Variants in ABI3BP observed in about 807,000 individuals in gnomAD.
ABI3BP encodes the protein ABI family member 3 binding protein.
Under a neutral mutation model 268.6 loss-of-function variants are expected in ABI3BP, and 216 were observed. That is an observed-to-expected ratio of 0.80 (90% CI 0.72 to 0.90). The LOEUF is 0.90. Among genes scored for constraint, ABI3BP ranks in the 40% least tolerant of loss-of-function variants. ABI3BP has a pLI of 0.00. For synonymous variants in ABI3BP, 730 were observed against 730.0 expected, an observed-to-expected ratio of 1.00 and a Z score of 0.00; for missense variants, 2,090 against 2,182.4, an observed-to-expected ratio of 0.96 and a Z score of 0.84.
chr3:100,993,308 T>A lies in ABI3BP; in HGVS notation c.77A>T (p.Lys26Ile). ...ACATAAAACATCAGGCTACTTGCCT[T>A]TTGGCAATTTCTGTGCATTTCCCAG... ...LALGNAQKLP[K>I]GKRPNLKVHI... Residue 26 changes from lysine (K) to isoleucine (I), a missense_variant and splice_region_variant, in exon 1 of 68, where the codon AAA (lysine) becomes ATA (isoleucine). Coordinates refer to ENST00000471714, the MANE Select transcript of ABI3BP (RefSeq NM_001375547.2). The A allele has an allele frequency of 6.5e-7, 1 of 1,549,356 alleles. No individual in the cohort carries two copies. Among genetic ancestry groups the A allele is most frequent in the Non-Finnish European group, 8.7e-7 (1 of 1,145,158 alleles).
intron 38 of ABI3BP, among the ~76,000 whole-genome samples, chr3:100,821,655 T>G (rs1397093791): frequency 7.0e-6 from 1 of 143,236 alleles, no homozygotes; most frequent in Non-Finnish European, 1.5e-5. Flanking sequence ...AAGGCTGGAG[T>G]GCAGTGGCGC....
intron 31 of ABI3BP, among the ~76,000 whole-genome samples, chr3:100,830,881 T>C (rs1289495800): frequency 6.6e-6 from 1 of 152,174 alleles, no homozygotes; most frequent in African/African-American, 2.4e-5. Context: ...CTGAGGTCAA[T>C]AGTAAGATCT....
chr3:100,871,446 G>T (rs7622350), intron 9 of ABI3BP, among the ~76,000 whole-genome samples: 53,835 of 152,026 alleles, frequency 0.35, 9,894 homozygotes, highest in Admixed American at 0.41. Flanking sequence ...ATATGGTTTG[G>T]CTGTGTCCCC....
chr3:100,934,134 C>G (rs562778904), intron 1 of ABI3BP, among the ~76,000 whole-genome samples: 21 of 151,396 alleles, frequency 1.4e-4, no homozygotes, highest in African/African-American at 4.8e-4. Context: ...CCTCCCCTAA[C>G]CCCCCACCCC....
intron 1 of ABI3BP, among the ~76,000 whole-genome samples, chr3:100,938,733 TAGAC>T (rs1456374410): frequency 6.6e-6 from 1 of 152,176 alleles, no homozygotes; most frequent in African/African-American, 2.4e-5. Flanking sequence ...TAAGTAATAT[TAGAC>T]AGTATTAAAA....
Position 100,833,964 on chromosome 3 carries a change from A to G in ABI3BP, c.2281+720T>C, listed in dbSNP as rs147163235. On this transcript the variant is annotated intron_variant, in intron 29 of 67. Transcript: ENST00000471714. ...CCTACCCATCCACCAATAAATCTAC[A>G]GGCTCTACAAATTTCAAGGTCCACA... 6.8e-4 allele frequency among the ~76,000 whole-genome samples: 103 copies of G among 152,232 alleles called. 1 individual carries two copies. The highest frequency in any genetic ancestry group is 2.4e-3 in the African/African-American group (99 of 41,550).
chr3:100,916,303 A>G (rs1025366314), intron 2 of ABI3BP, among the ~76,000 whole-genome samples: 1 of 152,260 alleles, frequency 6.6e-6, no homozygotes, highest in Non-Finnish European at 1.5e-5. Context: ...CCAAAGTCAA[A>G]GCCGTCAAAT....
intron 1 of ABI3BP, among the ~76,000 whole-genome samples, chr3:100,931,688 T>C (rs573488990): frequency 6.6e-6 from 1 of 152,074 alleles, no homozygotes; most frequent in African/African-American, 2.4e-5. Context: ...TACGAAACAC[T>C]GCTGAAAGAA....
Position 100,864,010 on chromosome 3 carries a change from C to T in ABI3BP, c.1130G>A (p.Ser377Asn), listed in dbSNP as rs2099025048. The T allele has an allele frequency of 6.5e-7, 1 of 1,532,612 alleles. No individual in the cohort carries two copies. The highest frequency in any genetic ancestry group is 2.0e-5 in the Admixed American group (1 of 50,970). 94.9% of individuals were successfully genotyped at this position (1,532,612 alleles called of 1,614,324 possible). ...TATTTATTATTTTTTACCTAGAGTG[C>T]TCAGTGGCAATTCAAACTGAGGTAT... is the stretch of plus-strand genomic sequence containing the variant. ...ILIPQFELPLSTLAPKSLPEF... is the reference protein window; with the variant it reads ...ILIPQFELPLNTLAPKSLPEF... The change falls in exon 12 of 68, where the codon AGC (serine) becomes AAC (asparagine). Residue 377 changes from serine (S) to asparagine (N), a missense_variant. Ser to Asn is a conservative substitution (Grantham distance 46). Coordinates refer to ENST00000471714, the MANE Select transcript of ABI3BP (RefSeq NM_001375547.2).
rs148115631 is a variant in ABI3BP at position 100,985,854 on chromosome 3, G to A, written c.79+7452C>T. On this transcript the variant is annotated intron_variant, in intron 1 of 67. Transcript: ENST00000471714. Reference sequence around the variant, plus strand: ...ATGCTTAATTCTTTAGGAAGTTGACGGAGTTTTAATGCTTAAACCAGTATA... The same window carrying A: ...ATGCTTAATTCTTTAGGAAGTTGACAGAGTTTTAATGCTTAAACCAGTATA... Among the ~76,000 whole-genome samples the A allele has an allele frequency of 9.1e-4, 139 of 152,286 alleles. 2 individuals are homozygous for A. The East Asian group carries it at 0.02, about 22-fold the overall frequency.
intron 1 of ABI3BP, among the ~76,000 whole-genome samples, chr3:100,956,213 C>A (rs1055053671): frequency 3.8e-5 from 3 of 78,314 alleles, no homozygotes; most frequent in Non-Finnish European, 2.4e-5. Flanking sequence ...AAAAGAAAAA[C>A]AACACACACA....
intron 62 of ABI3BP, among the ~76,000 whole-genome samples, chr3:100,767,917 A>G (rs1312053357): frequency 6.6e-6 from 1 of 152,168 alleles, no homozygotes; most frequent in African/African-American, 2.4e-5. Flanking sequence ...CCAAAAGAAC[A>G]ATTTATATGA....
intron 2 of ABI3BP, among the ~76,000 whole-genome samples, chr3:100,915,600 A>G (rs1250976488): frequency 2.6e-5 from 4 of 152,210 alleles, no homozygotes; most frequent in Admixed American, 1.3e-4. Context: ...GGCCAAGCAT[A>G]AGAACCCAGG....
Position 100,789,443 on chromosome 3 carries a change from A to AAAC in ABI3BP, c.4087+8_4087+10dup. ...CTGCTGATTATTTAAGTCATCAGAG[A>AAAC]AACAACTTACCAGGTCTGATGTGTG... On this transcript the variant is annotated intron_variant, in intron 56 of 67. Coordinates refer to ENST00000471714, the MANE Select transcript of ABI3BP (RefSeq NM_001375547.2). 1 of 1,595,446 alleles carries AAAC rather than the reference A, an allele frequency of 6.3e-7. No individual in the cohort carries two copies.
intron 4 of ABI3BP, among the ~76,000 whole-genome samples, chr3:100,894,658 G>A (rs1392654231): frequency 6.6e-6 from 1 of 152,038 alleles, no homozygotes; most frequent in Non-Finnish European, 1.5e-5. Context: ...AAGTAAACAC[G>A]GCCGGGCGCG....
At chr3:100,817,595 T>C in intron 41 of ABI3BP, 100 bp from the exon 42 acceptor site, 1 of 930,990 alleles carries the variant, frequency 1.1e-6, no homozygotes, top group Non-Finnish European at 1.5e-6. Flanking sequence ...GGCTTGTTTT[T>C]TGCAGATTTG....
chr3:100,925,613 T>C (rs1445663920), intron 2 of ABI3BP, among the ~76,000 whole-genome samples: 4 of 151,838 alleles, frequency 2.6e-5, no homozygotes, highest in African/African-American at 9.7e-5. Flanking sequence ...GGGGATTTCG[T>C]CATGTTGCCC....
chr3:100,822,692 G>T lies in ABI3BP; in HGVS notation c.2804-20C>A. 1 of 1,531,820 alleles carries T rather than the reference G, an allele frequency of 6.5e-7. No individual in the cohort carries two copies. The highest frequency in any genetic ancestry group is 8.7e-7 in the Non-Finnish European group (1 of 1,142,862). The allele number at this position is 1,531,820 out of a possible 1,614,324, so 94.9% of individuals were successfully genotyped here. A position where few individuals can be genotyped will look rare whatever the true frequency, so the allele number is the denominator to read the frequency against. ...TGGAAGCTGAAGGAAGAAGTTCTTG[G>T]GTTACAACATAACTGCATTATCTAT... On this transcript the variant is annotated intron_variant, in intron 37 of 67. Transcript: ENST00000471714.
intron 51 of ABI3BP, among the ~76,000 whole-genome samples, chr3:100,800,337 A>T (rs1255514944): frequency 1.2e-4 from 18 of 152,230 alleles, no homozygotes; most frequent in Admixed American, 2.0e-4. Flanking sequence ...AATGTCTCCT[A>T]ATTGTCTAAA....
Sources: allele counts gnomAD v4.1 joint callset (sites outside exome capture counted in the v4.1 genomes callset), GRCh38; gene constraint gnomAD v4.1.1; transcripts MANE v1.5; gene names NCBI Gene and HGNC (gene_info 2026-07-23, HGNC 2026-07-21).